The following BMAL1 variants were observed in gnomAD, a reference collection of about 807,000 sequenced individuals.
BMAL1 encodes the protein basic helix-loop-helix ARNT like 1.
At chr11:13,356,757 C>A in the BMAL1 span, 1 of 1,614,174 alleles carries the variant, frequency 6.2e-7, no homozygotes, top group Non-Finnish European at 8.5e-7. Flanking sequence ...TGGACACAGA[C>A]AAAGATGACC....
the BMAL1 span, among the ~76,000 whole-genome samples, chr11:13,303,623 AGG>A: frequency 6.6e-6 from 1 of 152,234 alleles, no homozygotes; most frequent in Non-Finnish European, 1.5e-5. Context: ...GCAGTCATCC[AGG>A]GACCTAGACT....
At chr11:13,349,190 T>C in the BMAL1 span, among the ~76,000 whole-genome samples, 1 of 152,260 alleles carries the variant, frequency 6.6e-6, no homozygotes, top group Admixed American at 6.5e-5. Flanking sequence ...TGTGCCCAGG[T>C]GCACTTGAGA....
chr11:13,362,739 G>A, the BMAL1 span, among the ~76,000 whole-genome samples: 5 of 152,108 alleles, frequency 3.3e-5, no homozygotes, highest in African/African-American at 4.8e-5. Flanking sequence ...AAATATGACC[G>A]ATGCCTGTAG....
At chr11:13,355,292 A>G in the BMAL1 span, 2 of 1,613,772 alleles carry the variant, frequency 1.2e-6, no homozygotes, top group African/African-American at 2.7e-5. Flanking sequence ...TGCTATGATT[A>G]ATATGTAAGT....
chr11:13,351,505 T>C, the BMAL1 span, among the ~76,000 whole-genome samples: 13 of 152,174 alleles, frequency 8.5e-5, no homozygotes, highest in African/African-American at 2.4e-4. Flanking sequence ...GCTGGAGATA[T>C]AAATTTGGGA....
chr11:13,371,266 TCTC>T, the BMAL1 span, among the ~76,000 whole-genome samples: 144 of 152,298 alleles, frequency 9.5e-4, no homozygotes, highest in African/African-American at 3.4e-3. Flanking sequence ...TTTCTCTCTC[TCTC>T]TTCTAGTCTG....
the BMAL1 span, among the ~76,000 whole-genome samples, chr11:13,314,189 C>G: frequency 1.3e-5 from 2 of 150,082 alleles, no homozygotes; most frequent in African/African-American, 4.9e-5. Flanking sequence ...GATTTACTTA[C>G]CTGTTATGCT....
At chr11:13,379,094 C>T in the BMAL1 span, 2 of 152,198 alleles carry the variant, frequency 1.3e-5, no homozygotes, top group Non-Finnish European at 2.9e-5. Flanking sequence ...TTGATTTAAA[C>T]CATAAAAAGA....
chr11:13,336,642 C>T, the BMAL1 span, among the ~76,000 whole-genome samples: 1 of 152,160 alleles, frequency 6.6e-6, no homozygotes, highest in African/African-American at 2.4e-5. Flanking sequence ...AGAGAGCAAC[C>T]GTCACTAGGG....
chr11:13,379,688 G>C, the BMAL1 span: 1 of 152,220 alleles, frequency 6.6e-6, no homozygotes. Context: ...ATTTGAACTT[G>C]GCCTTAGCCA....
chr11:13,348,789 C>CA, the BMAL1 span, among the ~76,000 whole-genome samples: 2 of 152,144 alleles, frequency 1.3e-5, no homozygotes, highest in Non-Finnish European at 2.9e-5. Flanking sequence ...AATCAGACTG[C>CA]AATGGGGAAT....
At chr11:13,342,270 G>A in the BMAL1 span, among the ~76,000 whole-genome samples, 2 of 152,238 alleles carry the variant, frequency 1.3e-5, no homozygotes, top group African/African-American at 4.8e-5. Context: ...GGCAAAGGAA[G>A]TGGCCAGAGA....
the BMAL1 span, among the ~76,000 whole-genome samples, chr11:13,351,794 A>G: frequency 1.2e-4 from 19 of 152,360 alleles, no homozygotes; most frequent in African/African-American, 4.6e-4. Context: ...TGGATCTAGC[A>G]GTGAGGAGGT....
the BMAL1 span, among the ~76,000 whole-genome samples, chr11:13,292,282 C>T: frequency 2.0e-5 from 3 of 151,938 alleles, no homozygotes; most frequent in African/African-American, 7.3e-5. Context: ...CGGTGGCTCA[C>T]GCCTGTAATC....
At chr11:13,337,302 TAAG>T in the BMAL1 span, among the ~76,000 whole-genome samples, 1 of 152,184 alleles carries the variant, frequency 6.6e-6, no homozygotes, top group Non-Finnish European at 1.5e-5. Flanking sequence ...TATAGACACA[TAAG>T]AAGACTGGGA....
the BMAL1 span, among the ~76,000 whole-genome samples, chr11:13,284,244 A>G: frequency 0.016 from 112 of 7,134 alleles, 7 homozygotes; most frequent in African/African-American, 0.06. Flanking sequence ...GTATATATAT[A>G]TATATATATA....
chr11:13,364,535 G>A, the BMAL1 span, among the ~76,000 whole-genome samples: 1 of 152,344 alleles, frequency 6.6e-6, no homozygotes, highest in East Asian at 1.9e-4. Flanking sequence ...AGTCCACTGT[G>A]TATTAGAACG....
At chr11:13,337,217 G>A in the BMAL1 span, among the ~76,000 whole-genome samples, 6 of 151,960 alleles carry the variant, frequency 3.9e-5, no homozygotes, top group Admixed American at 1.3e-4. Context: ...AAATTATAAC[G>A]TTAAAACAAA....
At chr11:13,289,557 G>A in the BMAL1 span, among the ~76,000 whole-genome samples, 670 of 152,198 alleles carry the variant, frequency 4.4e-3, 8 homozygotes, top group African/African-American at 0.015. Context: ...GACAGGCCCC[G>A]GAGTGTGATG....
Sources: allele counts gnomAD v4.1 joint callset (sites outside exome capture counted in the v4.1 genomes callset), GRCh38; gene constraint gnomAD v4.1.1; transcripts MANE v1.5; gene names NCBI Gene and HGNC (gene_info 2026-07-23, HGNC 2026-07-21).